The following RNF144B variants were observed in gnomAD, a reference collection of about 807,000 sequenced individuals.
RNF144B encodes the protein E3 ubiquitin-protein ligase RNF144B.
In RNF144B, 25 loss-of-function variants were observed where a neutral mutation model predicts 40.2. The observed-to-expected ratio is 0.62, with a 90% CI of 0.45 to 0.87. The LOEUF is 0.87. RNF144B is among the 40% of genes least tolerant of loss of function. The pLI is 0.00. For missense variants in RNF144B, 365 were observed against 373.7 expected (o/e 0.98, Z 0.19); for synonymous variants, 145 against 136.3 (o/e 1.06, Z -0.44).
intron 1 of RNF144B, among the ~76,000 whole-genome samples, chr6:18,394,496 G>A (rs11754093): frequency 0.21 from 31,221 of 151,726 alleles, 3,704 homozygotes; most frequent in East Asian, 0.41. Flanking sequence ...TACTTGGAAC[G>A]CTGAGGCAGG....
At chr6:18,411,484 TA>T (rs58089842) in intron 2 of RNF144B, among the ~76,000 whole-genome samples, 2,867 of 37,242 alleles carry the variant, frequency 0.077, 121 homozygotes, top group Non-Finnish European at 0.11. Flanking sequence ...TATATATATA[TA>T]TATATATATA....
At chr6:18,391,474 A>G (rs946135061) in intron 1 of RNF144B, among the ~76,000 whole-genome samples, 1 of 152,166 alleles carries the variant, frequency 6.6e-6, no homozygotes, top group Admixed American at 6.5e-5. Flanking sequence ...ACCTTCTTTG[A>G]TAAGTTTATA....
intron 2 of RNF144B, among the ~76,000 whole-genome samples, chr6:18,408,403 A>T (rs1013814651): frequency 1.3e-5 from 2 of 152,322 alleles, no homozygotes; most frequent in South Asian, 4.1e-4. Flanking sequence ...CAGTTTGGTA[A>T]GGAAGATATA....
intron 6 of RNF144B, among the ~76,000 whole-genome samples, chr6:18,461,243 T>A (rs1759446329): frequency 6.6e-6 from 1 of 152,152 alleles, no homozygotes; most frequent in Admixed American, 6.5e-5. Context: ...GTTCAGCAGC[T>A]CAGTTTGGAA....
At position 18,412,605 on chromosome 6, in the gene RNF144B, G is replaced by A. The variant is rs188078473; in HGVS notation, c.165+12906G>A. Reference sequence around the variant, plus strand: ...ACAAAATGTTACTAAGTAGGTAAAGGAGGTTTAAAAAATTTAGGCAAGTTG... The same window carrying A: ...ACAAAATGTTACTAAGTAGGTAAAGAAGGTTTAAAAAATTTAGGCAAGTTG... On this transcript the variant is annotated intron_variant, in intron 2 of 7. Coordinates refer to ENST00000259939, the MANE Select transcript of RNF144B (RefSeq NM_182757.4). This position sits in a 1 kb window ranked among gnomAD's most constrained non-coding sequence, Gnocchi z 4.2. 6.6e-6 allele frequency among the ~76,000 whole-genome samples: 1 copy of A among 152,280 alleles called. No homozygotes were observed. Among genetic ancestry groups the A allele is most frequent in the East Asian group, 1.9e-4 (1 of 5,178 alleles).
rs915114701 is a variant in RNF144B at position 18,447,809 on chromosome 6, A to T, written c.331+8065A>T. Among the ~76,000 whole-genome samples, 6 of 152,212 alleles carry T rather than the reference A, an allele frequency of 3.9e-5. No homozygotes were observed. Among genetic ancestry groups the T allele is most frequent in the African/African-American group, 1.2e-4 (5 of 41,462 alleles). On this transcript the variant is annotated intron_variant, in intron 4 of 7. Transcript: ENST00000259939. The surrounding 1 kb of genome is among the most constrained non-coding windows in gnomAD (Gnocchi z 5.6). ...CTGAATGAGCGCATCTAAGAATTAA[A>T]CATAGCTAAAGAAGCAGTTTCAGGA...
rs1491370427 is a variant in RNF144B at position 18,425,055 on chromosome 6, G to GT, written c.166-2526_166-2525insT. ...ATTTCACGTGTATGTGTGTATGTGT[G>GT]GGTGTGTGTGTGTGTGTGTTAAAAC... On this transcript the variant is annotated intron_variant, in intron 2 of 7. Transcript: ENST00000259939. The surrounding 1 kb of genome is among the most constrained non-coding windows in gnomAD (Gnocchi z 4.2). Among the ~76,000 whole-genome samples the GT allele has an allele frequency of 8.8e-5, 13 of 147,986 alleles. No individual in the cohort carries two copies. Among genetic ancestry groups the GT allele is most frequent in the South Asian group, 8.8e-4 (4 of 4,560 alleles).
rs377272055 is a variant in RNF144B at position 18,405,465 on chromosome 6, G to A, written c.165+5766G>A. On this transcript the variant is annotated intron_variant, in intron 2 of 7. Coordinates refer to ENST00000259939, the MANE Select transcript of RNF144B (RefSeq NM_182757.4). The surrounding 1 kb of genome is among the most constrained non-coding windows in gnomAD (Gnocchi z 4.5). ...GCTGGGATTATAGGCGTGAGCCACC[G>A]TGCCCAGCCGCAAGGTTAGTTTTAT... 3.3e-5 allele frequency among the ~76,000 whole-genome samples: 5 copies of A among 152,142 alleles called. No individual in the cohort carries two copies. In the South Asian group the frequency reaches 8.3e-4, roughly 25 times the overall value.
At position 18,430,301 on chromosome 6, in the gene RNF144B, A is replaced by G. The variant is rs564251300; in HGVS notation, c.270+2616A>G. ...ATACTTCCATCAGTGCAGAAAGTTC[A>G]AATGCATAGTGTTTTAGAATTTTCA... On this transcript the variant is annotated intron_variant, in intron 3 of 7. Coordinates refer to ENST00000259939, the MANE Select transcript of RNF144B (RefSeq NM_182757.4). Among the ~76,000 whole-genome samples, 116 of 152,332 alleles carry G rather than the reference A, an allele frequency of 7.6e-4. 3 individuals carry two copies. In the South Asian group the frequency reaches 0.024, roughly 31 times the overall value.
intron 1 of RNF144B, among the ~76,000 whole-genome samples, chr6:18,388,773 C>G (rs1794519957): frequency 1.3e-5 from 2 of 152,022 alleles, no homozygotes; most frequent in South Asian, 4.1e-4. Context: ...TTTCACACAA[C>G]TCCTGCTCTG....
At position 18,400,579 on chromosome 6, in the gene RNF144B, A is replaced by C. The variant is rs781260846; in HGVS notation, c.165+880A>C. Among the ~76,000 whole-genome samples, 1 of 152,156 alleles carries C rather than the reference A, an allele frequency of 6.6e-6. No individual in the cohort carries two copies. The highest frequency in any genetic ancestry group is 1.5e-5 in the Non-Finnish European group (1 of 68,028). ...ATCAACACCTGTGACCTTTACTGCC[A>C]CTTTTCCTTGAAGGTTGGTCGGTTA... On this transcript the variant is annotated intron_variant, in intron 2 of 7. Coordinates refer to ENST00000259939, the MANE Select transcript of RNF144B (RefSeq NM_182757.4). This position sits in a 1 kb window ranked among gnomAD's most constrained non-coding sequence, Gnocchi z 5.6.
Position 18,418,766 on chromosome 6 carries a change from A to G in RNF144B, c.166-8815A>G, listed in dbSNP as rs891367917. 4.0e-5 allele frequency among the ~76,000 whole-genome samples: 6 copies of G among 151,834 alleles called. No individual in the cohort carries two copies. Among genetic ancestry groups the G allele is most frequent in the Admixed American group, 3.3e-4 (5 of 15,216 alleles). On this transcript the variant is annotated intron_variant, in intron 2 of 7. Transcript: ENST00000259939. This position sits in a 1 kb window ranked among gnomAD's most constrained non-coding sequence, Gnocchi z 5.2. ...TTATAGATATCTGAATTATATCTCA[A>G]TAAAACATGACATAATATAAAATAT...
At position 18,439,856 on chromosome 6, in the gene RNF144B, G is replaced by T. The variant is rs138080335; in HGVS notation, c.331+112G>T. On this transcript the variant is annotated intron_variant, in intron 4 of 7. Transcript: ENST00000259939. Reference sequence around the variant, plus strand: ...TATGGGCTGTCAACAAAGCCTCAAGGGTACTCTAAAAGGAGAATACTGTAA... The same window carrying T: ...TATGGGCTGTCAACAAAGCCTCAAGTGTACTCTAAAAGGAGAATACTGTAA... 3.2e-5 allele frequency: 21 copies of T among 660,000 alleles called. 1 individual carries two copies. Among genetic ancestry groups the T allele is most frequent in the East Asian group, 2.1e-4 (8 of 37,922 alleles). The allele number at this position is 660,000 out of a possible 1,614,324, so 40.9% of individuals were successfully genotyped here.
chr6:18,403,093 T>C (rs1480897025), intron 2 of RNF144B, among the ~76,000 whole-genome samples: 2 of 152,260 alleles, frequency 1.3e-5, no homozygotes, highest in Non-Finnish European at 2.9e-5. Flanking sequence ...GCAAAGAGTA[T>C]CTGTCTCTCC....
rs1759191412 is a variant in RNF144B at position 18,450,652 on chromosome 6, C to A, written c.332-6503C>A. On this transcript the variant is annotated intron_variant, in intron 4 of 7. Coordinates refer to ENST00000259939, the MANE Select transcript of RNF144B (RefSeq NM_182757.4). The surrounding 1 kb of genome is among the most constrained non-coding windows in gnomAD (Gnocchi z 4.7). ...TCCACCATGGCTAATTTTAAGCTAC[C>A]AAGGTAATGTCACTGAACTTGGAGT... Among the ~76,000 whole-genome samples, 1 of 152,088 alleles carries A rather than the reference C, an allele frequency of 6.6e-6. No homozygotes were observed. Among genetic ancestry groups the A allele is most frequent in the African/African-American group, 2.4e-5 (1 of 41,420 alleles).
rs1404285913 is a variant in RNF144B at position 18,457,238 on chromosome 6, C to T, written c.415C>T (p.Gln139Ter). The change falls in exon 5 of 8, where the codon CAG (glutamine) becomes TAG (stop). Residue 139 changes from glutamine to a stop codon, truncating the protein, a stop_gained. Coordinates refer to ENST00000259939, the MANE Select transcript of RNF144B (RefSeq NM_182757.4). LOFTEE classifies it high-confidence loss of function. The surrounding 1 kb of genome is among the most constrained non-coding windows in gnomAD (Gnocchi z 5.1). ...VCPVASSDPG[Q>*]PVLVECPSCH... ...CCCTGTTGCCTCGAGTGACCCAGGA[C>T]AGCCTGTGCTGGTGGAATGCCCTTC... 2.5e-6 allele frequency: 4 copies of T among 1,614,112 alleles called. No individual in the cohort carries two copies. In the South Asian group the frequency reaches 4.4e-5, roughly 18 times the overall value.
Position 18,468,719 on chromosome 6 carries a change from A to G in RNF144B, c.*3652A>G, listed in dbSNP as rs1453440466. 3 of 152,224 alleles carry G rather than the reference A, an allele frequency of 2.0e-5. No individual in the cohort carries two copies. The highest frequency in any genetic ancestry group is 4.1e-4 in the South Asian group (2 of 4,836). The allele number at this position is 152,224 out of a possible 1,614,324, so 9.4% of individuals were successfully genotyped here. A position where few individuals can be genotyped will look rare whatever the true frequency, so the allele number is the denominator to read the frequency against. On this transcript the variant is annotated 3_prime_UTR_variant, in exon 8 of 8. Transcript: ENST00000259939. ...AATGACATTTTATAAAGCGATCACA[A>G]TTGATATCTACAGGCTATTATGTCT...
intron 2 of RNF144B, among the ~76,000 whole-genome samples, chr6:18,407,587 A>G (rs1794938978): frequency 6.6e-6 from 1 of 152,226 alleles, no homozygotes; most frequent in Non-Finnish European, 1.5e-5. Flanking sequence ...GGAAATTTCT[A>G]AATTGAAACC....
At chr6:18,403,244 A>C (rs1794828147) in intron 2 of RNF144B, among the ~76,000 whole-genome samples, 1 of 152,248 alleles carries the variant, frequency 6.6e-6, no homozygotes, top group Non-Finnish European at 1.5e-5. Context: ...CAGTTATCAA[A>C]GTAATGGAAA....
Sources: allele counts gnomAD v4.1 joint callset (sites outside exome capture counted in the v4.1 genomes callset), GRCh38; gene constraint gnomAD v4.1.1; non-coding constraint Gnocchi (gnomAD v3.1); transcripts MANE v1.5; gene names NCBI Gene and HGNC (gene_info 2026-07-23, HGNC 2026-07-21).